The following CNGA2 variants were observed in gnomAD, a reference collection of about 807,000 sequenced individuals.
The protein encoded by CNGA2 is cyclic nucleotide-gated channel alpha-2.
A neutral mutation model predicts 35.9 loss-of-function variants in CNGA2; 22 were observed. The ratio of observed to expected loss-of-function variants is 0.61; its 90% confidence interval spans 0.44 to 0.88. CNGA2 has a LOEUF of 0.88. CNGA2 is among the 40% of genes least tolerant of loss of function. The pLI is 0.00. For missense variants in CNGA2, 555 were observed against 530.8 expected (o/e 1.05, Z -0.45); for synonymous variants, 217 against 209.2 (o/e 1.04, Z -0.32).
At position 151,739,101 on chromosome X, in the gene CNGA2, G is replaced by A. The variant is rs150198246; in HGVS notation, c.203+222G>A. 6.2e-5 allele frequency among the ~76,000 whole-genome samples: 7 copies of A among 112,572 alleles called. No homozygotes were observed. In the East Asian group the frequency reaches 2.0e-3, roughly 32 times the overall value. On this transcript the variant is annotated intron_variant, in intron 3 of 6. Coordinates refer to ENST00000329903, the MANE Select transcript of CNGA2 (RefSeq NM_005140.3). ...CAGAAGAGGCCTCCCTTCACATTTG[G>A]CTGTCTCAGCATCAGGGAGCGATAT... is the stretch of plus-strand genomic sequence containing the variant.
Position 151,743,424 on chromosome X carries a change from G to C in CNGA2, c.921G>C (p.Trp307Cys). The C allele has an allele frequency of 8.3e-7, 1 of 1,210,300 alleles. No homozygotes were observed. The highest frequency in any genetic ancestry group is 3.0e-5 in the East Asian group (1 of 33,796). ...SKSIGFGVDT[W>C]VYPNITDPEY... ...CCATAGGCTTTGGGGTCGACACCTG[G>C]GTTTACCCAAACATCACTGACCCTG... The change falls in exon 7 of 7, where the codon TGG (tryptophan) becomes TGC (cysteine). Residue 307 changes from tryptophan (W) to cysteine (C), a missense_variant. Coordinates refer to ENST00000329903, the MANE Select transcript of CNGA2 (RefSeq NM_005140.3).
At chrX:151,735,849 C>T (rs1002721965) in intron 1 of CNGA2, among the ~76,000 whole-genome samples, 6 of 110,630 alleles carry the variant, frequency 5.4e-5, no homozygotes, top group African/African-American at 2.0e-4. Flanking sequence ...CTTGTCTGTC[C>T]CCTCCTACTC....
Position 151,744,806 on chromosome X carries a change from C to T in CNGA2, c.*308C>T. The T allele has an allele frequency of 3.5e-6, 1 of 282,082 alleles. No individual in the cohort carries two copies. 23.2% of individuals were successfully genotyped at this position (282,082 alleles called of 1,213,427 possible). ...GCTCTTTTGCTCATAGCGACCCCTC[C>T]CTTGGTTCTGGCCCCCGCTTTTTCT... is the stretch of plus-strand genomic sequence containing the variant. On this transcript the variant is annotated 3_prime_UTR_variant, in exon 7 of 7. Coordinates refer to ENST00000329903, the MANE Select transcript of CNGA2 (RefSeq NM_005140.3).
intron 1 of CNGA2, among the ~76,000 whole-genome samples, chrX:151,737,109 A>G (rs997095670): frequency 5.4e-5 from 6 of 111,673 alleles, no homozygotes; most frequent in African/African-American, 2.0e-4. Flanking sequence ...TGACAGCTTC[A>G]GAGGCTGGAA....
In CNGA2 at chrX:151,743,292, A is replaced by G. The variant is rs947321075; in HGVS notation, c.789A>G (p.Thr263=). The G allele has an allele frequency of 8.3e-7, 1 of 1,208,662 alleles. No homozygotes were observed. The highest frequency in any genetic ancestry group is 1.1e-6 in the Non-Finnish European group (1 of 894,867). ...GCATGTTTGAGTTCTTTGACCGGAC[A>G]GAGACACGCACCAACTACCCTAACA... ...FARMFEFFDR[T]ETRTNYPNIF... is the part of the protein sequence containing the mutation. The change falls in exon 7 of 7, where the codon ACA becomes ACG. Residue 263 remains threonine, a synonymous_variant. Transcript: ENST00000329903.
Position 151,738,565 on chromosome X carries a change from G to T in CNGA2, c.82G>T (p.Gly28Cys), listed in dbSNP as rs755412260. The change falls in exon 2 of 7, where the codon GGC becomes TGC. Residue 28 changes from glycine (G) to cysteine (C), a missense_variant. Physicochemically the swap from Gly to Cys is radical, Grantham distance 159 (BLOSUM62 -3). Transcript: ENST00000329903. Reference protein sequence around the residue: ...HHAPPAIKANGKDDHRTSSRP... With the variant: ...HHAPPAIKANCKDDHRTSSRP... ...TGCACCTCCTGCCATCAAGGCCAAT[G>T]GCAAAGATGACCACAGGACAAGCAG... 14 of 1,209,208 alleles carry T rather than the reference G, an allele frequency of 1.2e-5. No homozygotes were observed. The East Asian group carries it at 3.3e-4, about 28-fold the overall frequency.
At chrX:151,739,839 G>A (rs902739592) in intron 4 of CNGA2, 107 bp downstream of exon 4, 14 of 875,296 alleles carry the variant, frequency 1.6e-5, no homozygotes, top group South Asian at 3.0e-5. Flanking sequence ...CCCTGCTGTA[G>A]TAAAAAGAGT....
intron 5 of CNGA2, 135 bp from the exon 6 acceptor site, chrX:151,742,401 G>A (rs1569428158): frequency 4.4e-6 from 2 of 458,719 alleles, no homozygotes; most frequent in East Asian, 3.6e-5. Flanking sequence ...ATATCTCTTG[G>A]CATCAGGCTG....
At position 151,734,952 on chromosome X, in the gene CNGA2, C is replaced by G. The variant is rs369732453; in HGVS notation, c.-27+9C>G. 2.7e-5 allele frequency among the ~76,000 whole-genome samples: 3 copies of G among 111,553 alleles called. No homozygotes were observed. Among genetic ancestry groups the G allele is most frequent in the East Asian group, 5.6e-4 (2 of 3,549 alleles). ...AAAGGACCTGGCACATAGTAGGTGTCTTGGGGATGTGTGTGAGATAGATGA... is the reference window on the plus strand; with the variant it reads ...AAAGGACCTGGCACATAGTAGGTGTGTTGGGGATGTGTGTGAGATAGATGA... On this transcript the variant is annotated intron_variant, in intron 1 of 6. Coordinates refer to ENST00000329903, the MANE Select transcript of CNGA2 (RefSeq NM_005140.3).
chrX:151,736,726 A>C (rs1421156739), intron 1 of CNGA2, among the ~76,000 whole-genome samples: 1 of 110,824 alleles, frequency 9.0e-6, no homozygotes, highest in African/African-American at 3.3e-5. Flanking sequence ...TTCCTGGTAC[A>C]GAAGGAGCAG....
chrX:151,738,766 A>T, intron 2 of CNGA2, 21 bp from the exon 3 acceptor site: 1 of 1,156,830 alleles, frequency 8.6e-7, no homozygotes, highest in Non-Finnish European at 1.2e-6. Flanking sequence ...CCCTGGGTCA[A>T]TTCTGCTCTT....
chrX:151,738,480 G>A lies in CNGA2; in HGVS notation c.-4G>A, dbSNP rs1386902411. 5.0e-6 allele frequency: 6 copies of A among 1,204,017 alleles called. No individual in the cohort carries two copies. Among genetic ancestry groups the A allele is most frequent in the South Asian group, 1.8e-5 (1 of 56,554 alleles). ...CAGATAAGTGCTCTGGTTGTACATG[G>A]AGGATGACCGAAAAAACCAATGGTG... On this transcript the variant is annotated 5_prime_UTR_variant, in exon 2 of 7. Coordinates refer to ENST00000329903, the MANE Select transcript of CNGA2 (RefSeq NM_005140.3).
chrX:151,743,189 T>A lies in CNGA2; in HGVS notation c.686T>A (p.Ile229Asn). Residue 229 changes from isoleucine to asparagine, a missense_variant, in exon 7 of 7, where the codon ATC (isoleucine) becomes AAC (asparagine). Ile to Asn is a moderately radical substitution (Grantham distance 149, BLOSUM62 -3). Transcript: ENST00000329903. ...TTCAAGCTGGATGTGGCTTCCATCA[T>A]CCCCACTGACCTGATCTATTTTGCT... ...LQFKLDVASIIPTDLIYFAVD... is the reference protein window; with the variant it reads ...LQFKLDVASINPTDLIYFAVD... The A allele has an allele frequency of 2.5e-6, 3 of 1,204,653 alleles. No homozygotes were observed. The highest frequency in any genetic ancestry group is 3.4e-6 in the Non-Finnish European group (3 of 893,625).
At chrX:151,738,656 T>G (rs988808834) in intron 2 of CNGA2, 63 bp downstream of exon 2, 60 of 1,102,860 alleles carry the variant, frequency 5.4e-5, no homozygotes, top group South Asian at 4.7e-4. Flanking sequence ...TCTGCCTCAT[T>G]GTCACAGAGC....
rs2015348005 is a variant in CNGA2, at chrX:151,744,093, T to C, written c.1590T>C (p.Ser530=). 8.3e-7 allele frequency: 1 copy of C among 1,210,718 alleles called. No homozygotes were observed. The highest frequency in any genetic ancestry group is 1.1e-6 in the Non-Finnish European group (1 of 895,213). ...GEISILNIKG[S]KMGNRRTANI... ...TCAGTATCCTTAACATTAAGGGCAGTAAAATGGGCAATCGACGCACAGCTA... is the reference window on the plus strand; with the variant it reads ...TCAGTATCCTTAACATTAAGGGCAGCAAAATGGGCAATCGACGCACAGCTA... Residue 530 remains serine (S), a synonymous_variant, in exon 7 of 7, where the codon AGT becomes AGC. Transcript: ENST00000329903.
intron 6 of CNGA2, 120 bp downstream of exon 6, chrX:151,742,762 T>C: frequency 2.1e-6 from 1 of 478,231 alleles, no homozygotes; most frequent in Non-Finnish European, 3.6e-6. Flanking sequence ...TGAGTACCCT[T>C]CTTTGAACCT....
rs748670744 is a variant in CNGA2, at chrX:151,739,744, C to T, written c.374+12C>T. ...GACAAAGGCACCAAGTACAGCTGTT[C>T]AGCCTATGGGACTCAAATGGGCTTT... On this transcript the variant is annotated intron_variant, in intron 4 of 6. Transcript: ENST00000329903. 1.4e-5 allele frequency: 17 copies of T among 1,207,397 alleles called. No individual in the cohort carries two copies. The Admixed American group carries it at 3.7e-4, about 26-fold the overall frequency.
chrX:151,744,820 C>T lies in CNGA2; in HGVS notation c.*322C>T. 3.8e-6 allele frequency: 1 copy of T among 263,706 alleles called. No homozygotes were observed. Among genetic ancestry groups the T allele is most frequent in the Non-Finnish European group, 6.8e-6 (1 of 147,477 alleles). The allele number at this position is 263,706 out of a possible 1,213,427, so 21.7% of individuals were successfully genotyped here. The stretch of plus-strand genomic sequence containing the variant: ...AGCGACCCCTCCCTTGGTTCTGGCC[C>T]CCGCTTTTTCTAACATGTCTTCTGA... On this transcript the variant is annotated 3_prime_UTR_variant, in exon 7 of 7. Coordinates refer to ENST00000329903, the MANE Select transcript of CNGA2 (RefSeq NM_005140.3).
intron 4 of CNGA2, among the ~76,000 whole-genome samples, chrX:151,739,997 T>C (rs2015287990): frequency 8.9e-6 from 1 of 112,339 alleles, no homozygotes; most frequent in South Asian, 3.7e-4. Context: ...TGCACATGAA[T>C]GTATAGCCCA....
Sources: allele counts gnomAD v4.1 joint callset (sites outside exome capture counted in the v4.1 genomes callset), GRCh38; gene constraint gnomAD v4.1.1; transcripts MANE v1.5; gene names NCBI Gene and HGNC (gene_info 2026-07-23, HGNC 2026-07-21).